The following TTBK1 variants were observed in gnomAD, a reference collection of about 807,000 sequenced individuals.
The protein encoded by TTBK1 is tau-tubulin kinase 1.
Under a neutral mutation model 108.5 loss-of-function variants are expected in TTBK1, and 34 were observed. The ratio of observed to expected loss-of-function variants is 0.31; its 90% CI spans 0.24 to 0.42. The LOEUF is 0.42. Ranked by LOEUF, TTBK1 falls within the 10% of genes least tolerant of loss-of-function variation. TTBK1 has a pLI of 1.00. For synonymous variants in TTBK1, 809 were observed against 795.1 expected, an observed-to-expected ratio of 1.02 and a Z score of -0.29; for missense variants, 1,539 against 1,826.0, an observed-to-expected ratio of 0.84 and a Z score of 2.86.
intron 13 of TTBK1, chr6:43,272,729 C>T (rs1364467898): frequency 7.3e-6 from 7 of 963,934 alleles, no homozygotes; most frequent in Non-Finnish European, 8.6e-6. Flanking sequence ...TGAAGCTCGG[C>T]AGAGCTTCAC....
chr6:43,278,012 G>A (rs142832075), intron 13 of TTBK1, among the ~76,000 whole-genome samples: 105 of 152,168 alleles, frequency 6.9e-4, no homozygotes, highest in Non-Finnish European at 1.3e-3. Flanking sequence ...ATCACACATC[G>A]CCTCCCAGCC....
In TTBK1 at chr6:43,263,097, C is replaced by G. The variant is rs1413460136; in HGVS notation, c.1733C>G (p.Pro578Arg). 14 of 1,569,620 alleles carry G rather than the reference C, an allele frequency of 8.9e-6. No individual in the cohort carries two copies. In the Admixed American group the frequency reaches 2.7e-4, roughly 30 times the overall value. Residue 578 changes from proline (P) to arginine (R), a missense_variant, in exon 13 of 15, where the codon CCC (proline) becomes CGC (arginine). Physicochemically the swap from Pro to Arg is moderately radical, Grantham distance 103. Transcript: ENST00000259750. The surrounding 1 kb of genome is among the most constrained non-coding windows in gnomAD (Gnocchi z 4.7). ...DEEPEELRPL[P>R]EEGEERRRLG... is the part of the protein sequence containing the mutation. ...GAGCCCGAGGAGCTGCGGCCACTGC[C>G]CGAGGAGGGCGAAGAGCGGCGGCGG...
At chr6:43,247,637 C>T (rs964344940) in intron 2 of TTBK1, among the ~76,000 whole-genome samples, 2 of 151,958 alleles carry the variant, frequency 1.3e-5, no homozygotes, top group African/African-American at 4.8e-5. Flanking sequence ...CTCCTGACCT[C>T]TGAGTCGTGT....
At position 43,283,777 on chromosome 6, in the gene TTBK1, T is replaced by G. The variant is rs747058816; in HGVS notation, c.3037T>G (p.Ser1013Ala). ...RETPSEMATN[S>A]LPNGPALADG... ...AACCCCCTCAGAGATGGCCACAAACTCACTGCCCAATGGCCCGGCCCTTGC... is the reference window on the plus strand; with the variant it reads ...AACCCCCTCAGAGATGGCCACAAACGCACTGCCCAATGGCCCGGCCCTTGC... Residue 1013 changes from serine to alanine, a missense_variant, in exon 14 of 15, where the codon TCA becomes GCA. Coordinates refer to ENST00000259750, the MANE Select transcript of TTBK1 (RefSeq NM_032538.3). This position sits in a 1 kb window ranked among gnomAD's most constrained non-coding sequence, Gnocchi z 8.1. The G allele has an allele frequency of 6.2e-7, 1 of 1,606,038 alleles. No individual in the cohort carries two copies. The highest frequency in any genetic ancestry group is 8.5e-7 in the Non-Finnish European group (1 of 1,176,178).
At chr6:43,272,457 G>A in intron 13 of TTBK1, 1 of 985,438 alleles carries the variant, frequency 1.0e-6, no homozygotes, top group Middle Eastern at 5.2e-4. Context: ...AGGCGGCTGA[G>A]TTTTCAAACA....
intron 12 of TTBK1, among the ~76,000 whole-genome samples, chr6:43,260,512 TC>T (rs1417485775): frequency 2.6e-5 from 4 of 152,346 alleles, no homozygotes; most frequent in Admixed American, 6.5e-5. Flanking sequence ...TCTGTGTGTC[TC>T]CTTGTGAGCA....
Position 43,255,748 on chromosome 6 carries a change from C to G in TTBK1, c.753C>G (p.Ile251Met), listed in dbSNP as rs1777363987. Residue 251 changes from isoleucine to methionine, a missense_variant, in exon 9 of 15, where the codon ATC (isoleucine) becomes ATG (methionine). Around this residue, in one of 5 missense-constraint regions of TTBK1, gnomAD observed 155 missense variants for 348.5 expected, o/e 0.44. Transcript: ENST00000259750. ...GCCTCCAGGAACAGGTAGGGATGATCAAGGAGAAGTATGAGCACCGGATGC... is the reference window on the plus strand; with the variant it reads ...GCCTCCAGGAACAGGTAGGGATGATGAAGGAGAAGTATGAGCACCGGATGC... ...KIKDKEQVGM[I>M]KEKYEHRMLL... 6.2e-7 allele frequency: 1 copy of G among 1,614,138 alleles called. No homozygotes were observed. The highest frequency in any genetic ancestry group is 1.3e-5 in the African/African-American group (1 of 75,006).
In TTBK1 at chr6:43,285,497, G is replaced by C. The variant is rs1248592485; in HGVS notation, c.*121G>C. On this transcript the variant is annotated 3_prime_UTR_variant, in exon 15 of 15. Transcript: ENST00000259750. The surrounding 1 kb of genome is among the most constrained non-coding windows in gnomAD (Gnocchi z 4.7). ...CCGACGCGCGCCACCCGCGGCCCCA[G>C]CTTTCCGCCTGCACCCGCGAGGACG... 5.0e-6 allele frequency: 6 copies of C among 1,198,478 alleles called. No homozygotes were observed. The highest frequency in any genetic ancestry group is 6.2e-6 in the Non-Finnish European group (6 of 962,430). The allele number at this position is 1,198,478 out of a possible 1,614,324, so 74.2% of individuals were successfully genotyped here.
chr6:43,263,183 G>A lies in TTBK1; in HGVS notation c.1819G>A (p.Asp607Asn). The A allele has an allele frequency of 6.3e-7, 1 of 1,581,470 alleles. No individual in the cohort carries two copies. The highest frequency in any genetic ancestry group is 8.6e-7 in the Non-Finnish European group (1 of 1,163,536). Residue 607 changes from aspartate (D) to asparagine (N), a missense_variant, in exon 13 of 15, where the codon GAC becomes AAC. By Grantham distance (23) the Asp-to-Asn change is conservative (BLOSUM62 1). This residue lies in a region of TTBK1 where 1,055 missense variants were observed against 1,086.5 expected (regional missense o/e 0.97). Coordinates refer to ENST00000259750, the MANE Select transcript of TTBK1 (RefSeq NM_032538.3). The surrounding 1 kb of genome is among the most constrained non-coding windows in gnomAD (Gnocchi z 4.7). ...CAGCATGCAGGCGCTGGCGGAGGAG[G>A]ACCTGCAGCATTTGCCGCCCCAGCC... ...GRSMQALAEEDLQHLPPQPLP... is the reference protein window; with the variant it reads ...GRSMQALAEENLQHLPPQPLP...
At chr6:43,277,579 G>T (rs2150709623) in intron 13 of TTBK1, among the ~76,000 whole-genome samples, 1 of 152,350 alleles carries the variant, frequency 6.6e-6, no homozygotes, top group South Asian at 2.1e-4. Context: ...TGGACACAGA[G>T]ATGTGGGGTC....
At position 43,254,960 on chromosome 6, in the gene TTBK1, G is replaced by A. The variant is rs377579921; in HGVS notation, c.577-89G>A. 1.8e-4 allele frequency: 243 copies of A among 1,314,156 alleles called. 4 individuals carry two copies. In the East Asian group the frequency reaches 3.2e-3, roughly 17 times the overall value. 81.4% of individuals were successfully genotyped at this position (1,314,156 alleles called of 1,614,324 possible). On this transcript the variant is annotated intron_variant, in intron 6 of 14. Transcript: ENST00000259750. ...CCTCCCCAGCCAGGGGAGGTGGTCA[G>A]GGTGAAGAGTTAGACTTGGTGGCAG...
chr6:43,246,750 C>G lies in TTBK1; in HGVS notation c.90C>G (p.Val30=). 6.2e-7 allele frequency: 1 copy of G among 1,611,334 alleles called. No individual in the cohort carries two copies. Among genetic ancestry groups the G allele is most frequent in the Non-Finnish European group, 8.5e-7 (1 of 1,178,862 alleles). The change falls in exon 2 of 15, where the codon GTC becomes GTG. Residue 30 remains valine (V), a synonymous_variant. Coordinates refer to ENST00000259750, the MANE Select transcript of TTBK1 (RefSeq NM_032538.3). ...ACATCCTGCCGGCCAACTACGTGGT[C>G]AAGGATCGCTGGAAGGTGGTGAGTG... ...QADILPANYV[V]KDRWKVLKKI... is the part of the protein sequence containing the mutation.
At chr6:43,267,731 G>A (rs1472124998) in intron 13 of TTBK1, among the ~76,000 whole-genome samples, 1 of 152,176 alleles carries the variant, frequency 6.6e-6, no homozygotes, top group Non-Finnish European at 1.5e-5. Context: ...GGGTGAAGCA[G>A]GCTAGCAAGT....
At position 43,276,054 on chromosome 6, in the gene TTBK1, T is replaced by C. The variant is rs1402653946; in HGVS notation, c.1987-6673T>C. Among the ~76,000 whole-genome samples the C allele has an allele frequency of 6.6e-6, 1 of 150,448 alleles. No homozygotes were observed. Among genetic ancestry groups the C allele is most frequent in the Non-Finnish European group, 1.5e-5 (1 of 67,552 alleles). On this transcript the variant is annotated intron_variant, in intron 13 of 14. Transcript: ENST00000259750. The surrounding 1 kb of genome is among the most constrained non-coding windows in gnomAD (Gnocchi z 5.4). ...AAGGAGACGCCTTCTAATTGCGGGG[T>C]GGGGGCGGAGTAGGGGAGGGATAGG...
chr6:43,253,427 G>C lies in TTBK1; in HGVS notation c.330+63G>C, dbSNP rs1210128250. On this transcript the variant is annotated intron_variant, in intron 4 of 14. Coordinates refer to ENST00000259750, the MANE Select transcript of TTBK1 (RefSeq NM_032538.3). The surrounding 1 kb of genome is among the most constrained non-coding windows in gnomAD (Gnocchi z 5.8). ...GAGCTTGGGCTGTGACTCCAGGGTA[G>C]GGGAAGGGAAGGTAGACTGTGGCCC... 1 of 1,607,024 alleles carries C rather than the reference G, an allele frequency of 6.2e-7. No individual in the cohort carries two copies. The highest frequency in any genetic ancestry group is 1.7e-5 in the Admixed American group (1 of 59,218).
At position 43,259,803 on chromosome 6, in the gene TTBK1, C is replaced by A; in HGVS notation, c.1424+97C>A. On this transcript the variant is annotated intron_variant, in intron 12 of 14. Coordinates refer to ENST00000259750, the MANE Select transcript of TTBK1 (RefSeq NM_032538.3). This position sits in a 1 kb window ranked among gnomAD's most constrained non-coding sequence, Gnocchi z 6.7. ...AAGTTAGATGTGTGGCGGAGGTGGG[C>A]AGACCCTGGGAAGTGCTGAGAGGGT... 1 of 1,298,186 alleles carries A rather than the reference C, an allele frequency of 7.7e-7. No individual in the cohort carries two copies. Among genetic ancestry groups the A allele is most frequent in the Non-Finnish European group, 1.0e-6 (1 of 962,488 alleles). 80.4% of individuals were successfully genotyped at this position (1,298,186 alleles called of 1,614,324 possible). A position where few individuals can be genotyped will look rare whatever the true frequency, so the allele number is the denominator to read the frequency against.
intron 13 of TTBK1, among the ~76,000 whole-genome samples, chr6:43,267,074 G>A (rs1425945671): frequency 6.7e-6 from 1 of 149,088 alleles, no homozygotes; most frequent in Non-Finnish European, 1.5e-5. Context: ...CCACTGTCTG[G>A]GCCATGTCAG....
rs1014225896 is a variant in TTBK1 at position 43,269,445 on chromosome 6, C to T, written c.1986+6095C>T. 7.2e-5 allele frequency among the ~76,000 whole-genome samples: 11 copies of T among 152,134 alleles called. No individual in the cohort carries two copies. The highest frequency in any genetic ancestry group is 1.3e-4 in the Non-Finnish European group (9 of 68,012). On this transcript the variant is annotated intron_variant, in intron 13 of 14. Coordinates refer to ENST00000259750, the MANE Select transcript of TTBK1 (RefSeq NM_032538.3). The surrounding 1 kb of genome is among the most constrained non-coding windows in gnomAD (Gnocchi z 4.8). ...CAGAGAGAAGGAGGAGGGGGAAGGG[C>T]GTTGGAGGCCAGAGCCTAGATTCTG...
At chr6:43,270,260 G>C (rs1777792436) in intron 13 of TTBK1, 3 of 1,160,090 alleles carry the variant, frequency 2.6e-6, no homozygotes, top group Non-Finnish European at 3.2e-6. Context: ...GATGGGTCCA[G>C]AGTCCAGTGG....
Sources: allele counts gnomAD v4.1 joint callset (sites outside exome capture counted in the v4.1 genomes callset), GRCh38; gene constraint gnomAD v4.1.1; regional missense constraint gnomAD v4.1.1; non-coding constraint Gnocchi (gnomAD v3.1); transcripts MANE v1.5; gene names NCBI Gene and HGNC (gene_info 2026-07-23, HGNC 2026-07-21).